ESR1: variants seen among roughly 807,000 people sequenced by gnomAD.
ESR1 encodes the protein estrogen receptor.
ESR1 carries 12 observed loss-of-function variants against 52.7 expected under a neutral mutation model. The ratio of observed to expected loss-of-function variants is 0.23; its 90% CI spans 0.15 to 0.37. The LOEUF is 0.37. Among genes scored for constraint, ESR1 ranks in the 10% least tolerant of loss-of-function variants. ESR1 has a pLI of 1.00. For missense variants in ESR1, 584 were observed against 779.7 expected (o/e 0.75, Z 2.99); for synonymous variants, 305 against 316.8 (o/e 0.96, Z 0.39).
At chr6:152,005,656 T>C (rs1732967033) in intron 4 of ESR1, among the ~76,000 whole-genome samples, 1 of 152,050 alleles carries the variant, frequency 6.6e-6, no homozygotes, top group South Asian at 2.1e-4. Flanking sequence ...ATTTTTACAG[T>C]AACCCTAAGT....
At chr6:151,996,719 A>G (rs368505598) in intron 4 of ESR1, among the ~76,000 whole-genome samples, 1 of 152,154 alleles carries the variant, frequency 6.6e-6, no homozygotes, top group Non-Finnish European at 1.5e-5. Flanking sequence ...ATCCATCTCA[A>G]TAGACAAAAG....
chr6:152,118,032 C>CATTTTTATAAGCAAAAA (rs1252875856), intron 6 of ESR1, among the ~76,000 whole-genome samples: 1 of 152,160 alleles, frequency 6.6e-6, no homozygotes, highest in Admixed American at 6.5e-5. Context: ...AAATTGCCTC[C>CATTTTTATAAGCAAAAA]ATGCTTATAA....
chr6:151,894,344 T>C (rs1260518992), intron 3 of ESR1, among the ~76,000 whole-genome samples: 4 of 152,178 alleles, frequency 2.6e-5, no homozygotes, highest in Non-Finnish European at 4.4e-5. Context: ...TGTGGGTTGT[T>C]TGTTTACTCT....
chr6:151,813,624 G>T (rs192572011), intron 1 of ESR1: 29 of 152,058 alleles, frequency 1.9e-4, no homozygotes, highest in Non-Finnish European at 7.4e-5. Flanking sequence ...AAATTTAAAA[G>T]AACCCAAAAT....
chr6:152,028,012 C>T (rs2128850699), intron 5 of ESR1, among the ~76,000 whole-genome samples: 1 of 152,096 alleles, frequency 6.6e-6, no homozygotes, highest in East Asian at 1.9e-4. Context: ...GGTGTGGTGG[C>T]AGGCACCTGT....
intron 1 of ESR1, among the ~76,000 whole-genome samples, chr6:151,669,670 T>A (rs985217252): frequency 6.6e-6 from 1 of 152,096 alleles, no homozygotes; most frequent in African/African-American, 2.4e-5. Flanking sequence ...AACCACTTGG[T>A]AGGGCTGTTG....
intron 4 of ESR1, among the ~76,000 whole-genome samples, chr6:151,995,730 A>G (rs1315391198): frequency 1.3e-5 from 2 of 152,198 alleles, no homozygotes; most frequent in Admixed American, 6.6e-5. Flanking sequence ...CTAAAAATAC[A>G]TTTATGCCAA....
intron 4 of ESR1, 111 bp downstream of exon 4, chr6:151,944,619 G>A (rs759369685): frequency 2.1e-6 from 2 of 943,406 alleles, no homozygotes; most frequent in Non-Finnish European, 1.7e-6. Context: ...TATGTAATTG[G>A]TTTCAAGGTT....
chr6:151,688,968 GT>G (rs1224678934), upstream of ESR1, among the ~76,000 whole-genome samples: 2 of 152,054 alleles, frequency 1.3e-5, no homozygotes, highest in Non-Finnish European at 2.9e-5. Flanking sequence ...ATCAATAATA[GT>G]TTTTTAAAGG....
intron 2 of ESR1, among the ~76,000 whole-genome samples, chr6:151,727,345 G>A (rs1394408222): frequency 6.6e-6 from 1 of 151,956 alleles, no homozygotes; most frequent in African/African-American, 2.4e-5. Context: ...GGGATTATAG[G>A]TGTGCACCAT....
At position 151,934,375 on chromosome 6, in the gene ESR1, G is replaced by A. The variant is rs1479705372; in HGVS notation, c.761-9798G>A. On this transcript the variant is annotated intron_variant, in intron 3 of 7. Transcript: ENST00000206249. ...CCTCACAAAAATATGACGTTGTGAG[G>A]ATAGGGATTTGGCTTTTTGCCCCAG... Among the ~76,000 whole-genome samples the A allele has an allele frequency of 2.0e-5, 3 of 152,294 alleles. No homozygotes were observed. The South Asian group carries it at 6.2e-4, about 32-fold the overall frequency.
intron 2 of ESR1, among the ~76,000 whole-genome samples, chr6:151,743,646 T>C (rs2128062118): frequency 6.6e-6 from 1 of 152,302 alleles, no homozygotes; most frequent in African/African-American, 2.4e-5. Context: ...GTTTACCTTA[T>C]CTCCAGAATT....
At chr6:151,827,688 T>C (rs1486216289) in intron 1 of ESR1, among the ~76,000 whole-genome samples, 2 of 152,214 alleles carry the variant, frequency 1.3e-5, no homozygotes. Context: ...GTTAAAACAC[T>C]ATGTCTTTAA....
chr6:151,810,326 A>ACAAAATCAATTTTAGTTTTTAGAAT (rs1778609407), intron 1 of ESR1, among the ~76,000 whole-genome samples: 1 of 152,164 alleles, frequency 6.6e-6, no homozygotes, highest in Non-Finnish European at 1.5e-5. Flanking sequence ...GTGGAAATTC[A>ACAAAATCAATTTTAGTTTTTAGAAT]GTTTTAGAAT....
intron 5 of ESR1, among the ~76,000 whole-genome samples, chr6:152,028,386 C>T (rs1430958281): frequency 1.3e-5 from 2 of 152,170 alleles, no homozygotes; most frequent in African/African-American, 2.4e-5. Context: ...AGGGAATTCC[C>T]TTTCCTAGCC....
chr6:151,734,027 TC>T (rs1782452244), intron 2 of ESR1, among the ~76,000 whole-genome samples: 1 of 152,222 alleles, frequency 6.6e-6, no homozygotes, highest in Non-Finnish European at 1.5e-5. Context: ...TCACTCAATT[TC>T]CAACTGCGTA....
At chr6:151,984,905 A>G (rs1486827511) in intron 4 of ESR1, among the ~76,000 whole-genome samples, 1 of 152,146 alleles carries the variant, frequency 6.6e-6, no homozygotes, top group Non-Finnish European at 1.5e-5. Context: ...TCCTGGGGCC[A>G]TGAAACCTGA....
At chr6:152,093,042 G>T (rs570371200) in intron 6 of ESR1, among the ~76,000 whole-genome samples, 1 of 152,152 alleles carries the variant, frequency 6.6e-6, no homozygotes, top group Non-Finnish European at 1.5e-5. Flanking sequence ...ATTTTGGGAG[G>T]CCGAGGCAGG....
chr6:151,932,980 A>G (rs79621462), intron 3 of ESR1, among the ~76,000 whole-genome samples: 88,593 of 151,508 alleles, frequency 0.58, 27,018 homozygotes, highest in Middle Eastern at 0.75. Flanking sequence ...GTTTTTTCCA[A>G]TTCTGTGAAG....
Sources: allele counts gnomAD v4.1 joint callset (sites outside exome capture counted in the v4.1 genomes callset), GRCh38; gene constraint gnomAD v4.1.1; transcripts MANE v1.5; gene names NCBI Gene and HGNC (gene_info 2026-07-23, HGNC 2026-07-21).